The following RAI1 variants were observed in gnomAD, a reference collection of about 807,000 sequenced individuals.
The protein encoded by RAI1 is retinoic acid induced 1.
RAI1 carries 9 observed loss-of-function variants against 123.8 expected under a neutral mutation model. The ratio of observed to expected loss-of-function variants is 0.07; its 90% CI spans 0.04 to 0.13. The LOEUF is 0.13. RAI1 is among the 10% of genes least tolerant of loss of function. The pLI is 1.00. For missense variants in RAI1, 2,256 were observed against 2,545.8 expected, an observed-to-expected ratio of 0.89 and a Z score of 2.45; for synonymous variants, 1,231 against 1,127.3, an observed-to-expected ratio of 1.09 and a Z score of -1.84.
chr17:17,769,007 C>T (rs4924814), intron 2 of RAI1, among the ~76,000 whole-genome samples: 1,979 of 152,286 alleles, frequency 0.013, 43 homozygotes, highest in African/African-American at 0.043. Context: ...GGCCAGGAGG[C>T]CAGAGCAGCA....
intron 2 of RAI1, among the ~76,000 whole-genome samples, chr17:17,769,750 C>G (rs1433463409): frequency 6.6e-6 from 1 of 152,160 alleles, no homozygotes; most frequent in Non-Finnish European, 1.5e-5. Flanking sequence ...GCAAGCAAGG[C>G]CTGTGGGGCG....
intron 2 of RAI1, among the ~76,000 whole-genome samples, chr17:17,762,295 C>T (rs1378718295): frequency 2.0e-5 from 3 of 152,034 alleles, no homozygotes; most frequent in African/African-American, 7.3e-5. Context: ...AGGAGGATGG[C>T]GTCCCAGGCG....
intron 1 of RAI1, among the ~76,000 whole-genome samples, chr17:17,690,247 C>T (rs1397218483): frequency 6.6e-6 from 1 of 151,854 alleles, no homozygotes; most frequent in African/African-American, 2.4e-5. Flanking sequence ...GATAGCTGGG[C>T]GTGGTGGTGG....
intron 2 of RAI1, among the ~76,000 whole-genome samples, chr17:17,752,216 G>C (rs892204250): frequency 5.3e-5 from 8 of 152,138 alleles, no homozygotes; most frequent in Non-Finnish European, 1.2e-4. Context: ...CGGCGCGCGG[G>C]CGCAGGTAGC....
At chr17:17,788,197 G>A (rs528891237) in intron 2 of RAI1, among the ~76,000 whole-genome samples, 53 of 152,200 alleles carry the variant, frequency 3.5e-4, no homozygotes, top group African/African-American at 1.2e-3. Context: ...TGGTCTGGAG[G>A]GGCTGCCTGG....
chr17:17,802,022 C>T (rs1368165164), intron 3 of RAI1: 2 of 469,114 alleles, frequency 4.3e-6, no homozygotes, highest in Middle Eastern at 3.7e-4. Flanking sequence ...CCTTCTCTAC[C>T]TCACCCCCCG....
chr17:17,775,289 G>A (rs146444032), intron 2 of RAI1, among the ~76,000 whole-genome samples: 2 of 147,588 alleles, frequency 1.4e-5, no homozygotes, highest in Non-Finnish European at 3.0e-5. Context: ...CTGCAGCCTG[G>A]ACCTCCCAGG....
Position 17,800,692 on chromosome 17 carries a change from C to T in RAI1, c.5565+2179C>T, listed in dbSNP as rs1276840003. Among the ~76,000 whole-genome samples the T allele has an allele frequency of 2.0e-5, 3 of 152,226 alleles. No homozygotes were observed. Among genetic ancestry groups the T allele is most frequent in the African/African-American group, 4.8e-5 (2 of 41,450 alleles). On this transcript the variant is annotated intron_variant, in intron 3 of 5. Transcript: ENST00000353383. This position sits in a 1 kb window ranked among gnomAD's most constrained non-coding sequence, Gnocchi z 4.7. ...GCTCCAGAAATGGCCTGACAGCCTGCGCAACTAGGGCTGCCCCGGGAAGGT... is the reference window on the plus strand; with the variant it reads ...GCTCCAGAAATGGCCTGACAGCCTGTGCAACTAGGGCTGCCCCGGGAAGGT...
intron 1 of RAI1, among the ~76,000 whole-genome samples, chr17:17,689,865 G>A (rs1025972663): frequency 6.6e-6 from 1 of 152,150 alleles, no homozygotes; most frequent in Non-Finnish European, 1.5e-5. Context: ...TCATGGACCA[G>A]CTTGGTGCTG....
At chr17:17,804,590 GACA>G (rs1478165927) in intron 4 of RAI1, among the ~76,000 whole-genome samples, 2 of 151,276 alleles carry the variant, frequency 1.3e-5, no homozygotes, top group Admixed American at 6.6e-5. Context: ...AGTCATTGGG[GACA>G]ACAATATTTT....
chr17:17,716,895 G>A (rs1017305021), intron 1 of RAI1, among the ~76,000 whole-genome samples: 2 of 152,218 alleles, frequency 1.3e-5, no homozygotes, highest in African/African-American at 4.8e-5. Flanking sequence ...CCATCCCGAT[G>A]TCCCTGGGTG....
chr17:17,748,724 G>T (rs1193724058), intron 2 of RAI1, among the ~76,000 whole-genome samples: 2 of 152,200 alleles, frequency 1.3e-5, no homozygotes, highest in Non-Finnish European at 2.9e-5. Context: ...GTATGTCGGT[G>T]GGGCACTGTG....
rs2032721491 is a variant in RAI1 at position 17,810,533 on chromosome 17, C to T, written c.*552C>T. 1 of 283,052 alleles carries T rather than the reference C, an allele frequency of 3.5e-6. No homozygotes were observed. Among genetic ancestry groups the T allele is most frequent in the South Asian group, 2.8e-5 (1 of 35,642 alleles). The allele number at this position is 283,052 out of a possible 1,614,324, so 17.5% of individuals were successfully genotyped here. On this transcript the variant is annotated 3_prime_UTR_variant, in exon 6 of 6. Coordinates refer to ENST00000353383, the MANE Select transcript of RAI1 (RefSeq NM_030665.4). This position sits in a 1 kb window ranked among gnomAD's most constrained non-coding sequence, Gnocchi z 4.6. ...GAAGCCTTTCTGAGAGCGGGCTAGG[C>T]CGGCACTGGAGAGGCCGGAGCCTTT...
rs1368179860 is a variant in RAI1, at chr17:17,810,971, C to T, written c.*990C>T. 4 of 325,846 alleles carry T rather than the reference C, an allele frequency of 1.2e-5. No individual in the cohort carries two copies. Among genetic ancestry groups the T allele is most frequent in the Non-Finnish European group, 1.9e-5 (3 of 159,802 alleles). The allele number at this position is 325,846 out of a possible 1,614,324, so 20.2% of individuals were successfully genotyped here. On this transcript the variant is annotated 3_prime_UTR_variant, in exon 6 of 6. Coordinates refer to ENST00000353383, the MANE Select transcript of RAI1 (RefSeq NM_030665.4). The surrounding 1 kb of genome is among the most constrained non-coding windows in gnomAD (Gnocchi z 4.6). The stretch of plus-strand genomic sequence containing the variant: ...ACATGCTCGCTTCTCCCGTGTGTCG[C>T]CGCCGTGCGTCGTGCGCCCGCAACA...
chr17:17,728,477 G>T (rs1869018282), intron 2 of RAI1, among the ~76,000 whole-genome samples: 1 of 152,238 alleles, frequency 6.6e-6, no homozygotes, highest in African/African-American at 2.4e-5. Context: ...AGCAGAGGAT[G>T]CAAAATGGGG....
At chr17:17,752,270 T>A (rs1351230437) in intron 2 of RAI1, among the ~76,000 whole-genome samples, 2 of 152,178 alleles carry the variant, frequency 1.3e-5, no homozygotes, top group Non-Finnish European at 2.9e-5. Context: ...CTGCCTTTTG[T>A]GTTCGCACAT....
In RAI1 at chr17:17,810,581, T is replaced by C; in HGVS notation, c.*600T>C. 3.0e-6 allele frequency: 1 copy of C among 331,562 alleles called. No individual in the cohort carries two copies. The highest frequency in any genetic ancestry group is 6.0e-6 in the Non-Finnish European group (1 of 165,878). The allele number at this position is 331,562 out of a possible 1,614,324, so 20.5% of individuals were successfully genotyped here. On this transcript the variant is annotated 3_prime_UTR_variant, in exon 6 of 6. Coordinates refer to ENST00000353383, the MANE Select transcript of RAI1 (RefSeq NM_030665.4). The surrounding 1 kb of genome is among the most constrained non-coding windows in gnomAD (Gnocchi z 4.6). ...TTTGGAACAAACCGTGCGGAACGCG[T>C]CCAGGGGCCTTCCCGCCCAGCCTTT...
At position 17,809,511 on chromosome 17, in the gene RAI1, A is replaced by AACTG; in HGVS notation, c.5709+72_5709+73insACTG. The AACTG allele has an allele frequency of 2.0e-6, 3 of 1,471,600 alleles. No homozygotes were observed. Among genetic ancestry groups the AACTG allele is most frequent in the Non-Finnish European group, 2.8e-6 (3 of 1,053,932 alleles). 91.2% of individuals were successfully genotyped at this position (1,471,600 alleles called of 1,614,324 possible). A position where few individuals can be genotyped will look rare whatever the true frequency, so the allele number is the denominator to read the frequency against. On this transcript the variant is annotated intron_variant, in intron 5 of 5. Transcript: ENST00000353383. The surrounding 1 kb of genome is among the most constrained non-coding windows in gnomAD (Gnocchi z 4.9). ...AGGAGCCCCACCTCGCACCTCCTTCACAGTCCCCTGGGCCCCCTTGGCTGC... is the reference window on the plus strand; with the variant it reads ...AGGAGCCCCACCTCGCACCTCCTTCAACTGCAGTCCCCTGGGCCCCCTTGGCTGC...
In RAI1 at chr17:17,811,012, C is replaced by G. The variant is rs2032754281; in HGVS notation, c.*1031C>G. 1 of 319,482 alleles carries G rather than the reference C, an allele frequency of 3.1e-6. No individual in the cohort carries two copies. Among genetic ancestry groups the G allele is most frequent in the Non-Finnish European group, 6.3e-6 (1 of 159,606 alleles). 19.8% of individuals were successfully genotyped at this position (319,482 alleles called of 1,614,324 possible). A position where few individuals can be genotyped will look rare whatever the true frequency, so the allele number is the denominator to read the frequency against. The stretch of plus-strand genomic sequence containing the variant: ...GCCCGCAACAGAGCCCCAACCGGGC[C>G]TTTGCCGGGTAAGGGGCTACCGCGA... On this transcript the variant is annotated 3_prime_UTR_variant, in exon 6 of 6. Coordinates refer to ENST00000353383, the MANE Select transcript of RAI1 (RefSeq NM_030665.4).
Sources: allele counts gnomAD v4.1 joint callset (sites outside exome capture counted in the v4.1 genomes callset), GRCh38; gene constraint gnomAD v4.1.1; non-coding constraint Gnocchi (gnomAD v3.1); transcripts MANE v1.5; gene names NCBI Gene and HGNC (gene_info 2026-07-23, HGNC 2026-07-21).